Variants in RIC8B observed in about 807,000 individuals in gnomAD.
RIC8B encodes the protein RIC8 guanine nucleotide exchange factor B, also known as chaperone Ric-8B.
RIC8B carries 16 observed loss-of-function variants against 57.5 expected under a neutral mutation model. That is an observed-to-expected ratio of 0.28 (90% CI 0.19 to 0.42). RIC8B has a LOEUF of 0.42. Ranked by LOEUF, RIC8B falls within the 10% of genes least tolerant of loss-of-function variation. RIC8B has a pLI of 1.00. For missense variants in RIC8B, 481 were observed against 677.0 expected (o/e 0.71, Z 3.21); for synonymous variants, 216 against 250.8 (o/e 0.86, Z 1.31).
chr12:106,885,428 T>TA (rs1487205411), intron 9 of RIC8B, among the ~76,000 whole-genome samples: 1 of 152,128 alleles, frequency 6.6e-6, no homozygotes, highest in African/African-American at 2.4e-5. Context: ...TACATATCAC[T>TA]AGAGACTGAG....
intron 2 of RIC8B, among the ~76,000 whole-genome samples, chr12:106,788,081 C>T (rs1215880844): frequency 6.6e-6 from 1 of 152,130 alleles, no homozygotes; most frequent in Non-Finnish European, 1.5e-5. Flanking sequence ...GTAAATACAG[C>T]CATTCCAAAT....
At chr12:106,868,582 G>A (rs1950237787) in intron 8 of RIC8B, among the ~76,000 whole-genome samples, 1 of 152,102 alleles carries the variant, frequency 6.6e-6, no homozygotes, top group Admixed American at 6.6e-5. Context: ...GTGGCATCTG[G>A]ATACGTCTCC....
chr12:106,797,966 C>A (rs909016569), intron 2 of RIC8B: 96 of 692,554 alleles, frequency 1.4e-4, no homozygotes, highest in Non-Finnish European at 2.5e-4. Flanking sequence ...CTATTTATTT[C>A]CTGATTTTAG....
chr12:106,841,328 T>C lies in RIC8B; in HGVS notation c.837-1261T>C, dbSNP rs1419668714. Among the ~76,000 whole-genome samples the C allele has an allele frequency of 2.0e-5, 3 of 152,226 alleles. No individual in the cohort carries two copies. In the East Asian group the frequency reaches 5.8e-4, roughly 29 times the overall value. On this transcript the variant is annotated intron_variant, in intron 4 of 9. Transcript: ENST00000392837. ...TTACCACTTTCTGTTCTGCATTGTC[T>C]AACTTTTCAACTGACTTGTTACTGG...
In RIC8B at chr12:106,879,738, T is replaced by C. The variant is rs1279458168; in HGVS notation, c.1572-6166T>C. On this transcript the variant is annotated intron_variant, in intron 9 of 9. Transcript: ENST00000392837. This position sits in a 1 kb window ranked among gnomAD's most constrained non-coding sequence, Gnocchi z 4.9. ...TTGTAGATTATGGTTCCTTATCGTTTAGTAAGATCAAATTTCTAAATGATG... is the reference window on the plus strand; with the variant it reads ...TTGTAGATTATGGTTCCTTATCGTTCAGTAAGATCAAATTTCTAAATGATG... The C allele has an allele frequency of 1.0e-6, 1 of 985,290 alleles. No individual in the cohort carries two copies. The highest frequency in any genetic ancestry group is 1.1e-4 in the East Asian group (1 of 8,828). The allele number at this position is 985,290 out of a possible 1,614,324, so 61.0% of individuals were successfully genotyped here. A position where few individuals can be genotyped will look rare whatever the true frequency, so the allele number is the denominator to read the frequency against.
At chr12:106,849,712 A>C (rs1306372296) in intron 6 of RIC8B, among the ~76,000 whole-genome samples, 1 of 152,182 alleles carries the variant, frequency 6.6e-6, no homozygotes, top group African/African-American at 2.4e-5. Flanking sequence ...CTGTAAGTGT[A>C]AGTAAGGTGG....
At chr12:106,788,135 G>A (rs1001931724) in intron 2 of RIC8B, among the ~76,000 whole-genome samples, 2 of 152,208 alleles carry the variant, frequency 1.3e-5, no homozygotes, top group East Asian at 3.8e-4. Context: ...GCCCATGCAA[G>A]TCTGAAATCC....
chr12:106,884,117 C>T (rs923246740), intron 9 of RIC8B, among the ~76,000 whole-genome samples: 12 of 152,254 alleles, frequency 7.9e-5, no homozygotes, highest in African/African-American at 2.9e-4. Context: ...CACTCACTGA[C>T]ACCTCACTTG....
intron 2 of RIC8B, among the ~76,000 whole-genome samples, chr12:106,799,819 G>T (rs1179609441): frequency 1.3e-5 from 2 of 151,992 alleles, no homozygotes; most frequent in African/African-American, 4.8e-5. Context: ...CTATCTCATT[G>T]AGACAACTTA....
intron 5 of RIC8B, 96 bp downstream of exon 5, chr12:106,842,913 T>C: frequency 1.4e-6 from 1 of 734,088 alleles, no homozygotes; most frequent in Non-Finnish European, 2.2e-6. Flanking sequence ...GATTTTTAAA[T>C]CTAAGCTTTT....
chr12:106,869,869 G>A (rs1211651179), intron 8 of RIC8B, among the ~76,000 whole-genome samples: 1 of 152,190 alleles, frequency 6.6e-6, no homozygotes, highest in Non-Finnish European at 1.5e-5. Flanking sequence ...AACCCAGGAA[G>A]CAGAGGTTGC....
intron 7 of RIC8B, among the ~76,000 whole-genome samples, chr12:106,858,187 T>G (rs1205319726): frequency 6.6e-6 from 1 of 152,138 alleles, no homozygotes; most frequent in African/African-American, 2.4e-5. Flanking sequence ...TTCGCCATTT[T>G]GTGTCTTTTT....
chr12:106,830,459 A>T (rs1166261444), intron 4 of RIC8B, among the ~76,000 whole-genome samples: 1 of 152,198 alleles, frequency 6.6e-6, no homozygotes, highest in African/African-American at 2.4e-5. Context: ...CAGATTTGTA[A>T]GTAAATAGGT....
intron 3 of RIC8B, among the ~76,000 whole-genome samples, chr12:106,815,566 A>T (rs932380679): frequency 6.6e-6 from 1 of 152,228 alleles, no homozygotes; most frequent in Non-Finnish European, 1.5e-5. Flanking sequence ...GAGTTGCATT[A>T]TTCTCTCTTT....
At chr12:106,787,039 TCA>T (rs1766026593) in intron 2 of RIC8B, among the ~76,000 whole-genome samples, 1 of 152,346 alleles carries the variant, frequency 6.6e-6, no homozygotes, top group African/African-American at 2.4e-5. Flanking sequence ...GAAATTTCTT[TCA>T]CAGTTATTAA....
At chr12:106,819,614 T>C (rs2045747197) in intron 3 of RIC8B, among the ~76,000 whole-genome samples, 1 of 151,062 alleles carries the variant, frequency 6.6e-6, no homozygotes, top group Non-Finnish European at 1.5e-5. Context: ...ATAAAAATTA[T>C]CCAGGTATTG....
intron 4 of RIC8B, among the ~76,000 whole-genome samples, 159 bp downstream of exon 4, chr12:106,825,979 A>G (rs1280167940): frequency 1.3e-5 from 2 of 152,240 alleles, no homozygotes; most frequent in Admixed American, 1.3e-4. Context: ...AATCATTACT[A>G]TGCCCTGATG....
At chr12:106,800,304 A>G (rs1279004168) in intron 2 of RIC8B, among the ~76,000 whole-genome samples, 3 of 152,158 alleles carry the variant, frequency 2.0e-5, no homozygotes, top group Admixed American at 2.0e-4. Context: ...GCTTTTACTC[A>G]TGGCAGAAGG....
At chr12:106,798,613 C>CT (rs915772922) in intron 2 of RIC8B, among the ~76,000 whole-genome samples, 78 of 145,236 alleles carry the variant, frequency 5.4e-4, no homozygotes, top group Non-Finnish European at 6.6e-4. Flanking sequence ...AGCCACTGTA[C>CT]TTTTTTTTTT....
Sources: gnomAD v4.1 joint callset for allele counts (sites outside exome capture counted in the v4.1 genomes callset) on GRCh38, gnomAD v4.1.1 for gene constraint, Gnocchi (gnomAD v3.1) non-coding constraint, MANE v1.5 for transcripts, NCBI Gene and HGNC (gene_info 2026-07-23, HGNC 2026-07-21) for gene names.